Variants in TENM2 observed in about 807,000 individuals in gnomAD.
The protein encoded by TENM2 is teneurin transmembrane protein 2.
In TENM2, 52 loss-of-function variants were observed where a neutral mutation model predicts 245.2. The observed-to-expected ratio is 0.21, with a 90% CI of 0.17 to 0.27. The LOEUF (loss-of-function observed/expected upper bound fraction) is 0.27. TENM2 is among the 10% of genes least tolerant of loss of function. The pLI, the probability that TENM2 is intolerant of heterozygous loss-of-function variation, is 1.00. For missense variants in TENM2, 3,046 were observed against 3,666.8 expected (o/e 0.83, Z 4.37); for synonymous variants, 1,363 against 1,438.9 (o/e 0.95, Z 1.19).
the TENM2 span, among the ~76,000 whole-genome samples, chr5:167,220,547 C>T: frequency 6.6e-6 from 1 of 152,086 alleles, no homozygotes; most frequent in African/African-American, 2.4e-5. Context: ...TGTGTGATAC[C>T]TGAAGCACTG....
intron 2 of TENM2, among the ~76,000 whole-genome samples, chr5:167,463,844 C>A (rs7710354): frequency 0.022 from 3,409 of 152,210 alleles, 94 homozygotes; most frequent in African/African-American, 0.067. Flanking sequence ...TTAAACTTTG[C>A]AAGAGTGTTA....
At chr5:167,647,583 A>G (rs1441068939) in intron 2 of TENM2, among the ~76,000 whole-genome samples, 1 of 152,106 alleles carries the variant, frequency 6.6e-6, no homozygotes, top group African/African-American at 2.4e-5. Context: ...AGATCGCGCC[A>G]TTGCTCTCCA....
intron 2 of TENM2, among the ~76,000 whole-genome samples, chr5:167,624,628 A>C (rs1313646593): frequency 6.6e-6 from 1 of 152,166 alleles, no homozygotes; most frequent in Non-Finnish European, 1.5e-5. Context: ...TAACTTATGT[A>C]CTACATCTTA....
At chr5:167,440,764 CTCTT>C (rs1764833292) in intron 2 of TENM2, among the ~76,000 whole-genome samples, 1 of 152,100 alleles carries the variant, frequency 6.6e-6, no homozygotes, top group Admixed American at 6.6e-5. Flanking sequence ...GGGTCTCTTT[CTCTT>C]TCTTTTCTCC....
At chr5:167,644,362 T>C (rs1779796866) in intron 2 of TENM2, among the ~76,000 whole-genome samples, 1 of 152,192 alleles carries the variant, frequency 6.6e-6, no homozygotes, top group Non-Finnish European at 1.5e-5. Flanking sequence ...TTTCCCAATT[T>C]CTCTTCTAAG....
exon 10 of TENM2, chr5:168,118,409 C>T (rs562263341): frequency 6.2e-7 from 1 of 1,611,162 alleles, no homozygotes; most frequent in East Asian, 2.2e-5. Flanking sequence ...ATCGATCCTT[C>T]CTGCGGGGGC....
chr5:167,324,681 AC>A (rs1360000139), intron 1 of TENM2, among the ~76,000 whole-genome samples: 3 of 152,188 alleles, frequency 2.0e-5, no homozygotes, highest in Non-Finnish European at 4.4e-5. Context: ...GGAAAAAAAA[AC>A]ATGGAAATAA....
intron 8 of TENM2, among the ~76,000 whole-genome samples, chr5:168,097,608 G>C (rs1793478223): frequency 6.7e-6 from 1 of 150,248 alleles, no homozygotes; most frequent in Non-Finnish European, 1.5e-5. Context: ...GTGTGCGTGT[G>C]TGTGTGTGTG....
chr5:167,646,919 T>C (rs1347158136), intron 2 of TENM2, among the ~76,000 whole-genome samples: 1 of 152,186 alleles, frequency 6.6e-6, no homozygotes, highest in African/African-American at 2.4e-5. Context: ...ATAACAGTTG[T>C]TCGCAGTTGA....
chr5:167,699,637 C>A (rs1439925229), intron 2 of TENM2, among the ~76,000 whole-genome samples: 2 of 152,168 alleles, frequency 1.3e-5, no homozygotes, highest in African/African-American at 2.4e-5. Flanking sequence ...GAATTCTGAA[C>A]CCTGCTGAGT....
intron 2 of TENM2, among the ~76,000 whole-genome samples, chr5:167,842,580 C>CAAAAA (rs1160974467): frequency 1.5e-4 from 7 of 45,318 alleles, no homozygotes; most frequent in South Asian, 7.7e-4. Flanking sequence ...GACTCCATGT[C>CAAAAA]AAAAAAAAAA....
chr5:167,406,252 T>C (rs1341138857), intron 2 of TENM2, among the ~76,000 whole-genome samples: 1 of 152,172 alleles, frequency 6.6e-6, no homozygotes, highest in African/African-American at 2.4e-5. Flanking sequence ...TGTTTAATGA[T>C]GGGTTTGCTT....
intron 2 of TENM2, among the ~76,000 whole-genome samples, chr5:167,744,003 G>A (rs1474268859): frequency 6.6e-6 from 1 of 152,202 alleles, no homozygotes; most frequent in African/African-American, 2.4e-5. Flanking sequence ...GTCTATAGCA[G>A]TTAAGTGGCT....
At chr5:167,597,534 T>A (rs1315811216) in intron 2 of TENM2, among the ~76,000 whole-genome samples, 1 of 152,176 alleles carries the variant, frequency 6.6e-6, no homozygotes, top group Non-Finnish European at 1.5e-5. Flanking sequence ...TTTCCTTGGA[T>A]ACTGGGAGTG....
At chr5:167,014,186 G>T in the TENM2 span, among the ~76,000 whole-genome samples, 1 of 122,066 alleles carries the variant, frequency 8.2e-6, no homozygotes, top group African/African-American at 3.0e-5. Flanking sequence ...AAGAAGACCT[G>T]GACAGGTATT....
chr5:167,744,785 TTCTG>T (rs1167765339), intron 2 of TENM2, among the ~76,000 whole-genome samples: 6 of 151,888 alleles, frequency 4.0e-5, no homozygotes, highest in South Asian at 2.1e-4. Flanking sequence ...TGTTCTTTCT[TTCTG>T]TCTGTCTCTC....
At chr5:167,169,178 C>T in the TENM2 span, among the ~76,000 whole-genome samples, 3 of 152,216 alleles carry the variant, frequency 2.0e-5, no homozygotes, top group Admixed American at 6.5e-5. Context: ...GGTGCTTCCT[C>T]TGGTGGCAGA....
chr5:167,687,723 G>C (rs1289294467), intron 2 of TENM2, among the ~76,000 whole-genome samples: 1 of 151,976 alleles, frequency 6.6e-6, no homozygotes, highest in African/African-American at 2.4e-5. Flanking sequence ...GCAGAATTTG[G>C]TACAGCAAAA....
chr5:167,661,148 A>G (rs1755184499), intron 2 of TENM2, among the ~76,000 whole-genome samples: 1 of 152,206 alleles, frequency 6.6e-6, no homozygotes, highest in African/African-American at 2.4e-5. Context: ...AATACTAACA[A>G]TGATGCATTT....
Sources: allele counts gnomAD v4.1 joint callset (sites outside exome capture counted in the v4.1 genomes callset), GRCh38; gene constraint gnomAD v4.1.1; transcripts MANE v1.5; gene names NCBI Gene and HGNC (gene_info 2026-07-23, HGNC 2026-07-21).